KCNH1: variants seen among roughly 807,000 people sequenced by gnomAD.
KCNH1 encodes the protein voltage-gated delayed rectifier potassium channel KCNH1.
Under a neutral mutation model 69.2 loss-of-function variants are expected in KCNH1, and 27 were observed. The ratio of observed to expected loss-of-function variants is 0.39; its 90% CI spans 0.29 to 0.54. The LOEUF is 0.54. Among genes scored for constraint, KCNH1 ranks in the 20% least tolerant of loss-of-function variants. The probability of loss-of-function intolerance (pLI) is 0.68; values close to 1 mark genes in which losing one functional copy is unlikely to be tolerated. For missense variants in KCNH1, 798 were observed against 1,261.6 expected, an observed-to-expected ratio of 0.63 and a Z score of 5.57; for synonymous variants, 456 against 487.7, an observed-to-expected ratio of 0.93 and a Z score of 0.86.
At chr1:210,699,659 C>G (rs1338676928) in intron 10 of KCNH1, among the ~76,000 whole-genome samples, 1 of 152,218 alleles carries the variant, frequency 6.6e-6, no homozygotes, top group South Asian at 2.1e-4. Flanking sequence ...GCTCCACACC[C>G]CCAACCCTGC....
intron 9 of KCNH1, among the ~76,000 whole-genome samples, chr1:210,791,550 T>G (rs1000489991): frequency 1.3e-5 from 2 of 152,226 alleles, no homozygotes; most frequent in African/African-American, 4.8e-5. Flanking sequence ...CGTGCTATAC[T>G]TTCCACTTTC....
At chr1:211,124,077 A>G (rs1284325611) in intron 1 of KCNH1, among the ~76,000 whole-genome samples, 1 of 152,220 alleles carries the variant, frequency 6.6e-6, no homozygotes, top group Non-Finnish European at 1.5e-5. Flanking sequence ...ACTAGAATTT[A>G]GGAGCTCTTT....
chr1:210,690,483 T>C (rs1681505513), intron 10 of KCNH1, among the ~76,000 whole-genome samples: 1 of 152,092 alleles, frequency 6.6e-6, no homozygotes, highest in Non-Finnish European at 1.5e-5. Flanking sequence ...ACCAGCCTCC[T>C]CCACCAGTCA....
In KCNH1 at chr1:210,806,844, T is replaced by TATA. The variant is rs1684589959; in HGVS notation, c.1463-2681_1463-2679dup. 1.9e-5 allele frequency among the ~76,000 whole-genome samples: 2 copies of TATA among 106,984 alleles called. 1 individual carries two copies. Among genetic ancestry groups the TATA allele is most frequent in the East Asian group, 6.5e-4 (2 of 3,068 alleles). 70.2% of individuals were successfully genotyped at this position (106,984 alleles called of 152,430 possible). On this transcript the variant is annotated intron_variant, in intron 7 of 10. Coordinates refer to ENST00000271751, the MANE Select transcript of KCNH1 (RefSeq NM_172362.3). ...AAAAAAAAAAAAAAAAAAATATATATATATATATATAAATTTGCCGGGCAT... is the reference window on the plus strand; with the variant it reads ...AAAAAAAAAAAAAAAAAAATATATATATAATATATATATAAATTTGCCGGGCAT...
chr1:211,090,459 G>A, intron 4 of KCNH1, 103 bp downstream of exon 4: 2 of 1,001,598 alleles, frequency 2.0e-6, no homozygotes, highest in Non-Finnish European at 2.9e-6. Flanking sequence ...GAATCTTGAG[G>A]TTTGTAAAGT....
At chr1:210,877,022 T>C (rs888107452) in intron 7 of KCNH1, among the ~76,000 whole-genome samples, 2 of 150,778 alleles carry the variant, frequency 1.3e-5, no homozygotes, top group African/African-American at 4.9e-5. Flanking sequence ...TACTTCTCTC[T>C]TGAGGGAGAT....
chr1:210,780,524 G>A (rs1042345157), intron 9 of KCNH1, among the ~76,000 whole-genome samples: 3 of 152,186 alleles, frequency 2.0e-5, no homozygotes, highest in Admixed American at 6.5e-5. Context: ...GGGGGAAGGA[G>A]ATGCAGGTGA....
intron 5 of KCNH1, among the ~76,000 whole-genome samples, chr1:211,057,482 T>G (rs1217823046): frequency 6.7e-6 from 1 of 149,834 alleles, no homozygotes; most frequent in Non-Finnish European, 1.5e-5. Flanking sequence ...AAAAAAAAAT[T>G]TTTTTAATTA....
intron 9 of KCNH1, among the ~76,000 whole-genome samples, chr1:210,779,799 A>C (rs915598724): frequency 2.0e-5 from 3 of 152,174 alleles, no homozygotes; most frequent in African/African-American, 7.2e-5. Flanking sequence ...GTAATAATTA[A>C]TCCTCCTCCT....
chr1:210,692,416 G>A (rs1184331484), intron 10 of KCNH1, among the ~76,000 whole-genome samples: 1 of 152,156 alleles, frequency 6.6e-6, no homozygotes, highest in African/African-American at 2.4e-5. Context: ...AGATGGCGCT[G>A]CTGTGCAAGA....
intron 6 of KCNH1, among the ~76,000 whole-genome samples, chr1:211,004,513 A>G (rs1015918735): frequency 1.3e-5 from 2 of 152,194 alleles, no homozygotes; most frequent in Non-Finnish European, 2.9e-5. Context: ...AAAGTGTAGT[A>G]AAATAATATA....
At chr1:210,782,924 T>C (rs2102381465) in intron 9 of KCNH1, among the ~76,000 whole-genome samples, 1 of 152,294 alleles carries the variant, frequency 6.6e-6, no homozygotes, top group Middle Eastern at 3.4e-3. Flanking sequence ...ATTTCTGTTG[T>C]TTATAAGCTA....
intron 1 of KCNH1, among the ~76,000 whole-genome samples, chr1:211,123,497 G>A (rs1691724016): frequency 6.6e-6 from 1 of 152,130 alleles, no homozygotes; most frequent in African/African-American, 2.4e-5. Flanking sequence ...GGTGGAGGCA[G>A]AGACAGCAGA....
intron 4 of KCNH1, among the ~76,000 whole-genome samples, chr1:211,084,135 C>T (rs1026268189): frequency 3.3e-5 from 5 of 152,180 alleles, no homozygotes; most frequent in South Asian, 2.1e-4. Context: ...TGGGGGGGTC[C>T]CATTAATGTT....
intron 7 of KCNH1, among the ~76,000 whole-genome samples, chr1:210,857,643 G>T (rs1052239192): frequency 8.5e-5 from 13 of 152,252 alleles, no homozygotes; most frequent in Admixed American, 2.6e-4. Context: ...TATAGTTATA[G>T]ATTTTCTCAT....
Position 210,853,946 on chromosome 1 carries a change from CAAAAAAAA to C in KCNH1, c.1463-49788_1463-49781del, listed in dbSNP as rs11445997. On this transcript the variant is annotated intron_variant, in intron 7 of 10. Transcript: ENST00000271751. ...TAGCAGTAAAAGCATTTATCTAAGC[CAAAAAAAA>C]AAAAAAAAAAAAAAGAAACCAAAGT... Among the ~76,000 whole-genome samples the C allele has an allele frequency of 6.5e-4, 40 of 61,536 alleles. 1 individual carries two copies. The highest frequency in any genetic ancestry group is 2.2e-3 in the African/African-American group (30 of 13,478). The allele number at this position is 61,536 out of a possible 152,430, so 40.4% of individuals were successfully genotyped here.
chr1:211,084,966 A>T (rs1690926964), intron 4 of KCNH1, among the ~76,000 whole-genome samples: 1 of 152,192 alleles, frequency 6.6e-6, no homozygotes, highest in South Asian at 2.1e-4. Flanking sequence ...AGAAATCATG[A>T]CATAGTGAGC....
chr1:210,932,329 A>C (rs1227013141), intron 6 of KCNH1, among the ~76,000 whole-genome samples: 1 of 152,150 alleles, frequency 6.6e-6, no homozygotes, highest in Non-Finnish European at 1.5e-5. Flanking sequence ...TACCACAAAA[A>C]CATATGAAAG....
chr1:210,835,213 G>A (rs1475652307), intron 7 of KCNH1, among the ~76,000 whole-genome samples: 3 of 152,132 alleles, frequency 2.0e-5, no homozygotes, highest in Non-Finnish European at 4.4e-5. Context: ...ACAAGGTAAG[G>A]TCTCTTTGAT....
Sources: allele counts gnomAD v4.1 joint callset (sites outside exome capture counted in the v4.1 genomes callset), GRCh38; gene constraint gnomAD v4.1.1; transcripts MANE v1.5; gene names NCBI Gene and HGNC (gene_info 2026-07-23, HGNC 2026-07-21).